The following MIDEAS variants were observed in gnomAD, a reference collection of about 807,000 sequenced individuals.
MIDEAS encodes mitotic deacetylase-associated SANT domain protein.
MIDEAS carries 26 observed loss-of-function variants against 102.7 expected under a neutral mutation model. That is an observed-to-expected ratio of 0.25 (90% CI 0.19 to 0.35). MIDEAS has a LOEUF of 0.35. MIDEAS is among the 10% of genes least tolerant of loss of function. The pLI is 1.00. For missense variants in MIDEAS, 1,231 were observed against 1,435.6 expected, an observed-to-expected ratio of 0.86 and a Z score of 2.30; for synonymous variants, 585 against 591.0, an observed-to-expected ratio of 0.99 and a Z score of 0.15.
intron 3 of MIDEAS, among the ~76,000 whole-genome samples, chr14:73,734,366 A>T (rs1348012786): frequency 6.6e-6 from 1 of 152,166 alleles, no homozygotes; most frequent in African/African-American, 2.4e-5. Flanking sequence ...TATACATAAT[A>T]AGTTAAATTC....
chr14:73,787,879 A>T (rs1316222890), upstream of MIDEAS, among the ~76,000 whole-genome samples: 2 of 151,830 alleles, frequency 1.3e-5, no homozygotes, highest in Non-Finnish European at 2.9e-5. Context: ...ACCTCTTTAC[A>T]CTCAACTCAC....
At chr14:73,731,411 A>G (rs2053137448) in intron 3 of MIDEAS, among the ~76,000 whole-genome samples, 1 of 152,042 alleles carries the variant, frequency 6.6e-6, no homozygotes, top group African/African-American at 2.4e-5. Context: ...TTTCCCTTCT[A>G]CAAATTGGGA....
chr14:73,752,664 A>G (rs887506), intron 1 of MIDEAS, among the ~76,000 whole-genome samples: 69,155 of 152,026 alleles, frequency 0.45, 16,592 homozygotes, highest in East Asian at 0.88. Flanking sequence ...ACAGACGCCC[A>G]TTTGACTCCA....
At chr14:73,780,935 TG>T (rs1294671187) in intron 1 of MIDEAS, among the ~76,000 whole-genome samples, 7 of 129,766 alleles carry the variant, frequency 5.4e-5, no homozygotes, top group Non-Finnish European at 1.0e-4. Flanking sequence ...TAGTTTTTTT[TG>T]TTTTTTTGTT....
rs60635070 is a variant in MIDEAS, at chr14:73,721,461, T to A, written c.2773A>T (p.Ser925Cys). The A allele has an allele frequency of 2.5e-4, 397 of 1,614,088 alleles. 1 individual carries two copies. The highest frequency in any genetic ancestry group is 9.2e-4 in the Admixed American group (55 of 60,024). ...RVPLPRRESPSEERLEPKREV... is the reference protein window; with the variant it reads ...RVPLPRRESPCEERLEPKREV... ...CTCTTGGGCTCCAGCCTCTCTTCAC[T>A]TGGGGACTCTCTTCTGGGAAGAGGC... Residue 925 changes from serine to cysteine, a missense_variant, in exon 11 of 13, where the codon AGT (serine) becomes TGT (cysteine). Around this residue, in one of 5 missense-constraint regions of MIDEAS, gnomAD observed 391 missense variants for 483.0 expected, o/e 0.81. Transcript: ENST00000423556.
rs2053115965 is a variant in MIDEAS, at chr14:73,729,939, T to G, written c.1796A>C (p.Lys599Thr). ...VKLEGEPSVR[K>T]PKQRPRPEPL... is the part of the protein sequence containing the mutation. ...CTCGGGCCTGGGCCGCTGCTTTGGT[T>G]TCCGCACGGAAGGCTCCCCCTCCAA... The change falls in exon 4 of 13, where the codon AAA (lysine) becomes ACA (threonine). Residue 599 changes from lysine to threonine, a missense_variant. Coordinates refer to ENST00000423556, the MANE Select transcript of MIDEAS (RefSeq NM_001367710.1). The G allele has an allele frequency of 6.2e-7, 1 of 1,603,940 alleles. No individual in the cohort carries two copies. The highest frequency in any genetic ancestry group is 1.7e-5 in the Admixed American group (1 of 59,606).
chr14:73,730,151 C>T, intron 3 of MIDEAS, 166 bp from the exon 4 acceptor site: 1 of 758,554 alleles, frequency 1.3e-6, no homozygotes, highest in South Asian at 1.5e-5. Context: ...TTTATCATCT[C>T]CTCTAGGGCA....
At chr14:73,733,016 C>G (rs1228885609) in intron 3 of MIDEAS, among the ~76,000 whole-genome samples, 1 of 151,700 alleles carries the variant, frequency 6.6e-6, no homozygotes, top group African/African-American at 2.4e-5. Flanking sequence ...TGCTTGAACC[C>G]AGGAGGCGGA....
intron 1 of MIDEAS, among the ~76,000 whole-genome samples, chr14:73,753,713 C>T (rs2140145399): frequency 6.6e-6 from 1 of 152,262 alleles, no homozygotes; most frequent in East Asian, 1.9e-4. Flanking sequence ...GACAGGGAGA[C>T]TCAAAGTCCT....
intron 1 of MIDEAS, among the ~76,000 whole-genome samples, chr14:73,751,755 C>A (rs1163371877): frequency 6.6e-6 from 1 of 152,058 alleles, no homozygotes. Context: ...ACAAAATTAT[C>A]CAGGCATCGT....
Position 73,739,066 on chromosome 14 carries a change from G to A in MIDEAS, c.943C>T (p.Pro315Ser). ...TTGCGCAGTTCTGGGTTCATATCTG[G>A]GTTGGGGGGGAAGGGGTAGGGTGCC... Reference protein sequence around the residue: ...SMAPYPFPPNPDMNPELRKAL... With the variant: ...SMAPYPFPPNSDMNPELRKAL... The change falls in exon 2 of 13, where the codon CCA (proline) becomes TCA (serine). Residue 315 changes from proline (P) to serine (S), a missense_variant. By Grantham distance (74) the Pro-to-Ser change is moderately conservative (BLOSUM62 -1). This residue lies in a region of MIDEAS where 758 missense variants were observed against 856.0 expected (regional missense o/e 0.89). Coordinates refer to ENST00000423556, the MANE Select transcript of MIDEAS (RefSeq NM_001367710.1). 1.3e-6 allele frequency: 2 copies of A among 1,573,780 alleles called. No homozygotes were observed. The highest frequency in any genetic ancestry group is 1.2e-5 in the South Asian group (1 of 83,964).
At chr14:73,785,367 T>C (rs1419744252) in intron 1 of MIDEAS, among the ~76,000 whole-genome samples, 1 of 152,216 alleles carries the variant, frequency 6.6e-6, no homozygotes, top group Non-Finnish European at 1.5e-5. Context: ...ATCCCTGCTC[T>C]GGTCTGTGCC....
At position 73,740,041 on chromosome 14, in the gene MIDEAS, C is replaced by A; in HGVS notation, c.-33G>T. ...CCAACTGAGCCCTGGCGGTGAGATC[C>A]CCTTCAACAGTCGCCCATCCCCTGG... On this transcript the variant is annotated 5_prime_UTR_variant, in exon 2 of 13. Coordinates refer to ENST00000423556, the MANE Select transcript of MIDEAS (RefSeq NM_001367710.1). 1.4e-6 allele frequency: 2 copies of A among 1,449,680 alleles called. No homozygotes were observed. Among genetic ancestry groups the A allele is most frequent in the Non-Finnish European group, 1.8e-6 (2 of 1,098,688 alleles). The allele number at this position is 1,449,680 out of a possible 1,614,324, so 89.8% of individuals were successfully genotyped here. A position where few individuals can be genotyped will look rare whatever the true frequency, so the allele number is the denominator to read the frequency against.
intron 1 of MIDEAS, among the ~76,000 whole-genome samples, chr14:73,749,593 A>AAT (rs1441859460): frequency 6.8e-6 from 1 of 147,778 alleles, no homozygotes; most frequent in Non-Finnish European, 1.5e-5. Context: ...ATATATATAA[A>AAT]ATATATATAT....
upstream of MIDEAS, among the ~76,000 whole-genome samples, chr14:73,761,642 G>C (rs1292001824): frequency 6.6e-6 from 1 of 152,178 alleles, no homozygotes; most frequent in Non-Finnish European, 1.5e-5. Flanking sequence ...TGTGATTACA[G>C]TAAGTGAATA....
At chr14:73,781,999 G>A (rs187813867) in intron 1 of MIDEAS, among the ~76,000 whole-genome samples, 1 of 152,306 alleles carries the variant, frequency 6.6e-6, no homozygotes, top group African/African-American at 2.4e-5. Flanking sequence ...GGAGGTTGCA[G>A]TGAGCCAAGA....
intron 1 of MIDEAS, among the ~76,000 whole-genome samples, chr14:73,747,870 C>T (rs115099396): frequency 2.4e-3 from 362 of 152,248 alleles, no homozygotes; most frequent in African/African-American, 7.5e-3. Flanking sequence ...GTGCTATGGC[C>T]TGCCCAGGAG....
intron 1 of MIDEAS, among the ~76,000 whole-genome samples, chr14:73,765,774 C>T (rs1182983159): frequency 2.6e-4 from 40 of 152,196 alleles, no homozygotes; most frequent in Non-Finnish European, 8.8e-5. Context: ...TCCCACCAGA[C>T]TTGACCTTAA....
rs777069428 is a variant in MIDEAS, at chr14:73,738,756, G to A, written c.1253C>T (p.Pro418Leu). Residue 418 changes from proline (P) to leucine (L), a missense_variant, in exon 2 of 13, where the codon CCC (proline) becomes CTC (leucine). Pro to Leu is a moderately conservative substitution (Grantham distance 98). This residue lies in a region of MIDEAS where 758 missense variants were observed against 856.0 expected (regional missense o/e 0.89). Coordinates refer to ENST00000423556, the MANE Select transcript of MIDEAS (RefSeq NM_001367710.1). ...QLLPDGERLA[P>L]NGREREAPAM... ...AGGAGCCTCTCGCTCCCGGCCATTG[G>A]GTGCTAGTCTCTCCCCATCAGGCAG... is the stretch of plus-strand genomic sequence containing the variant. The A allele has an allele frequency of 1.5e-5, 24 of 1,604,074 alleles. No individual in the cohort carries two copies. Among genetic ancestry groups the A allele is most frequent in the Admixed American group, 6.9e-5 (4 of 58,118 alleles).
Sources: allele counts gnomAD v4.1 joint callset (sites outside exome capture counted in the v4.1 genomes callset), GRCh38; gene constraint gnomAD v4.1.1; regional missense constraint gnomAD v4.1.1; transcripts MANE v1.5; gene names NCBI Gene and HGNC (gene_info 2026-07-23, HGNC 2026-07-21).